FGFR1: variants seen among roughly 807,000 people sequenced by gnomAD.
FGFR1 encodes fibroblast growth factor receptor 1.
FGFR1 carries 18 observed loss-of-function variants against 93.7 expected under a neutral mutation model. That is an observed-to-expected ratio of 0.19 (90% confidence interval 0.13 to 0.28). The LOEUF is 0.28. Among genes scored for constraint, FGFR1 ranks in the 10% least tolerant of loss-of-function variants. The probability of loss-of-function intolerance (pLI) is 1.00; values close to 1 mark genes in which losing one functional copy is unlikely to be tolerated. For synonymous variants in FGFR1, 448 were observed against 429.3 expected, an observed-to-expected ratio of 1.04 and a Z score of -0.54; for missense variants, 731 against 1,080.4, an observed-to-expected ratio of 0.68 and a Z score of 4.53.
At chr8:38,464,756 A>G (rs1283556875) in intron 1 of FGFR1, among the ~76,000 whole-genome samples, 1 of 152,210 alleles carries the variant, frequency 6.6e-6, no homozygotes. Flanking sequence ...CCCTTTCAGA[A>G]TAAGACATTT....
rs116053632 is a variant in FGFR1, at chr8:38,450,097, C to T, written c.91+7259G>A. On this transcript the variant is annotated intron_variant, in intron 2 of 17. Transcript: ENST00000447712. Reference sequence around the variant, plus strand: ...CCAGCAGGCTTCTCCTAGGAGGAAACAGTTTGGGATTTAGCCCAGGCCCTT... The same window carrying T: ...CCAGCAGGCTTCTCCTAGGAGGAAATAGTTTGGGATTTAGCCCAGGCCCTT... 6.6e-3 allele frequency among the ~76,000 whole-genome samples: 1,003 copies of T among 152,278 alleles called. 8 individuals carry two copies. The highest frequency in any genetic ancestry group is 0.023 in the African/African-American group (949 of 41,566).
At chr8:38,421,587 G>T in intron 8 of FGFR1, 1 of 643,838 alleles carries the variant, frequency 1.6e-6, no homozygotes, top group Non-Finnish European at 2.8e-6. Flanking sequence ...GTACGGGTGG[G>T]AGGCCTCCGT....
chr8:38,457,819 C>A (rs1337487363), intron 1 of FGFR1, among the ~76,000 whole-genome samples: 3 of 152,036 alleles, frequency 2.0e-5, no homozygotes, highest in African/African-American at 7.2e-5. Context: ...CCCGTCTCTA[C>A]TAAAAATACA....
intron 2 of FGFR1, among the ~76,000 whole-genome samples, chr8:38,438,323 C>T (rs989485067): frequency 6.6e-6 from 1 of 152,102 alleles, no homozygotes; most frequent in Non-Finnish European, 1.5e-5. Flanking sequence ...GGGTGGATCA[C>T]CTGAGATCAG....
At chr8:38,437,631 C>T (rs368066709) in intron 2 of FGFR1, among the ~76,000 whole-genome samples, 2 of 152,112 alleles carry the variant, frequency 1.3e-5, no homozygotes, top group African/African-American at 2.4e-5. Context: ...CATGGCTGTA[C>T]CCTGGTCTGA....
chr8:38,424,271 A>G lies in FGFR1; in HGVS notation c.936+238T>C. On this transcript the variant is annotated intron_variant, in intron 7 of 17. Transcript: ENST00000447712. The surrounding 1 kb of genome is among the most constrained non-coding windows in gnomAD (Gnocchi z 4.3). ...AGTGACGTTGCTCTCAAAGCTTATT[A>G]CAGACCAGCACCACCCATCCCTGCA... The G allele has an allele frequency of 1.5e-6, 1 of 685,748 alleles. No individual in the cohort carries two copies. Among genetic ancestry groups the G allele is most frequent in the South Asian group, 1.5e-5 (1 of 65,432 alleles). The allele number at this position is 685,748 out of a possible 1,614,324, so 42.5% of individuals were successfully genotyped here. A position where few individuals can be genotyped will look rare whatever the true frequency, so the allele number is the denominator to read the frequency against.
Position 38,424,228 on chromosome 8 carries a change from A to G in FGFR1, c.936+281T>C, listed in dbSNP as rs1322102892. On this transcript the variant is annotated intron_variant, in intron 7 of 17. Transcript: ENST00000447712. The surrounding 1 kb of genome is among the most constrained non-coding windows in gnomAD (Gnocchi z 4.3). ...AGGGGTCCAAATGCCTTCCTTGTGT[A>G]GCTGACCCCAAAGCCCCAGTGACGT... 3.4e-6 allele frequency: 2 copies of G among 583,344 alleles called. No individual in the cohort carries two copies. Among genetic ancestry groups the G allele is most frequent in the Non-Finnish European group, 6.5e-6 (2 of 307,870 alleles). The allele number at this position is 583,344 out of a possible 1,614,324, so 36.1% of individuals were successfully genotyped here. A position where few individuals can be genotyped will look rare whatever the true frequency, so the allele number is the denominator to read the frequency against.
At chr8:38,459,332 TG>T (rs1317846449) in intron 1 of FGFR1, among the ~76,000 whole-genome samples, 2 of 152,206 alleles carry the variant, frequency 1.3e-5, no homozygotes, top group Non-Finnish European at 2.9e-5. Flanking sequence ...GAGTCAGTGC[TG>T]GCTGGCAGAA....
Position 38,412,121 on chromosome 8 carries a change from C to T in FGFR1, c.*1507G>A, listed in dbSNP as rs903076914. Reference sequence around the variant, plus strand: ...AGGCTGGAGTGCAATGGCGCAATCTCGGCTCACTGCAACCTCCGCCTCCCA... The same window carrying T: ...AGGCTGGAGTGCAATGGCGCAATCTTGGCTCACTGCAACCTCCGCCTCCCA... On this transcript the variant is annotated 3_prime_UTR_variant, in exon 18 of 18. Coordinates refer to ENST00000447712, the MANE Select transcript of FGFR1 (RefSeq NM_023110.3). The T allele has an allele frequency of 3.0e-4, 63 of 208,394 alleles. No homozygotes were observed. Among genetic ancestry groups the T allele is most frequent in the African/African-American group, 1.2e-3 (52 of 44,116 alleles). The allele number at this position is 208,394 out of a possible 1,614,324, so 12.9% of individuals were successfully genotyped here.
At chr8:38,434,740 C>T (rs1237555800) in intron 2 of FGFR1, 2 of 161,902 alleles carry the variant, frequency 1.2e-5, no homozygotes, top group Admixed American at 6.4e-5. Context: ...TCTTTAAAAG[C>T]CTTGGTGCAG....
At chr8:38,427,088 CAG>C (rs10560174) in intron 5 of FGFR1, among the ~76,000 whole-genome samples, 26,989 of 147,744 alleles carry the variant, frequency 0.18, 2,862 homozygotes, top group East Asian at 0.31. Context: ...GCCTGGGTGA[CAG>C]AGTGAGACTC....
At chr8:38,437,163 C>A (rs17175779) in intron 2 of FGFR1, among the ~76,000 whole-genome samples, 72 of 152,266 alleles carry the variant, frequency 4.7e-4, no homozygotes, top group African/African-American at 1.6e-3. Flanking sequence ...AAATCTGTGT[C>A]TTCCACCAGT....
At chr8:38,417,571 G>A (rs1441792232) in intron 11 of FGFR1, 155 bp from the exon 12 acceptor site, 1 of 778,614 alleles carries the variant, frequency 1.3e-6, no homozygotes, top group Non-Finnish European at 2.2e-6. Flanking sequence ...CCCTCTCATG[G>A]GAGCCGTTGT....
chr8:38,418,377 CAAGG>C lies in FGFR1; in HGVS notation c.1285-8_1285-5del, dbSNP rs1817515520. The stretch of plus-strand genomic sequence containing the variant: ...ATGCACTGGAGTCAGCAGACACCTG[CAAGG>C]AAGAGTGGGGTCACCCTAGAGCAAG... On this transcript the variant is annotated splice_region_variant and splice_polypyrimidine_tract_variant and intron_variant, in intron 9 of 17. Transcript: ENST00000447712. 6.2e-7 allele frequency: 1 copy of C among 1,613,396 alleles called. No individual in the cohort carries two copies. The highest frequency in any genetic ancestry group is 8.5e-7 in the Non-Finnish European group (1 of 1,179,708).
At chr8:38,428,723 C>T (rs1473471988) in intron 3 of FGFR1, 7 of 458,662 alleles carry the variant, frequency 1.5e-5, no homozygotes, top group South Asian at 1.3e-4. Context: ...CATTCAAAGG[C>T]GCTTTCTCAA....
intron 2 of FGFR1, among the ~76,000 whole-genome samples, chr8:38,449,192 CTTAAG>C (rs937664350): frequency 1.8e-4 from 27 of 152,008 alleles, no homozygotes; most frequent in Non-Finnish European, 5.9e-5. Context: ...GGAGGTGGCC[CTTAAG>C]TTAAGCTTTA....
chr8:38,416,211 CA>C (rs970842094), intron 12 of FGFR1, 151 bp from the exon 13 acceptor site: 53 of 678,948 alleles, frequency 7.8e-5, no homozygotes, highest in African/African-American at 5.2e-4. Context: ...TTCTACTACC[CA>C]AAAAAAATCA....
intron 2 of FGFR1, among the ~76,000 whole-genome samples, chr8:38,444,246 G>T (rs180846794): frequency 1.4e-4 from 21 of 152,144 alleles, no homozygotes; most frequent in African/African-American, 4.3e-4. Context: ...TTCCAGGAGA[G>T]CTTGGACCCA....
At chr8:38,416,346 G>A (rs1463318042) in intron 12 of FGFR1, among the ~76,000 whole-genome samples, 8 of 151,832 alleles carry the variant, frequency 5.3e-5, no homozygotes, top group Non-Finnish European at 1.0e-4. Flanking sequence ...GTGCAGTGGC[G>A]CAATTTCGGC....
Sources: allele counts gnomAD v4.1 joint callset (sites outside exome capture counted in the v4.1 genomes callset), GRCh38; gene constraint gnomAD v4.1.1; non-coding constraint Gnocchi (gnomAD v3.1); transcripts MANE v1.5; gene names NCBI Gene and HGNC (gene_info 2026-07-23, HGNC 2026-07-21).